The following MRAP2 variants were observed in gnomAD, a reference collection of about 807,000 sequenced individuals.
MRAP2 encodes the protein melanocortin 2 receptor accessory protein 2.
In MRAP2, 20 loss-of-function variants were observed where a neutral mutation model predicts 17.4. The observed-to-expected ratio is 1.15, with a 90% CI of 0.81 to 1.67. The LOEUF (loss-of-function observed/expected upper bound fraction) is 1.67. Ranked by LOEUF, MRAP2 falls within the 40% of genes most tolerant of loss-of-function variation. The pLI is 0.00. For missense variants in MRAP2, 238 were observed against 240.0 expected (o/e 0.99, Z 0.05); for synonymous variants, 96 against 88.4 (o/e 1.09, Z -0.48).
At chr6:84,080,314 G>C (rs901313479) in intron 3 of MRAP2, among the ~76,000 whole-genome samples, 39 of 151,808 alleles carry the variant, frequency 2.6e-4, no homozygotes, top group Non-Finnish European at 1.5e-5. Flanking sequence ...GGGATTACAG[G>C]TGTGAGCCAC....
At chr6:84,097,223 G>C in the MRAP2 span, among the ~76,000 whole-genome samples, 1 of 152,090 alleles carries the variant, frequency 6.6e-6, no homozygotes, top group Non-Finnish European at 1.5e-5. Flanking sequence ...TGTGTGTGGT[G>C]GGGTAGGGCA....
At chr6:84,060,173 T>A (rs1239661459) in intron 2 of MRAP2, among the ~76,000 whole-genome samples, 2 of 152,188 alleles carry the variant, frequency 1.3e-5, no homozygotes, top group African/African-American at 4.8e-5. Context: ...GCCGCATTAT[T>A]AAGGAAATGT....
At chr6:84,110,623 T>C in the MRAP2 span, among the ~76,000 whole-genome samples, 2 of 152,222 alleles carry the variant, frequency 1.3e-5, no homozygotes, top group African/African-American at 4.8e-5. Flanking sequence ...CATTTGTCAG[T>C]TTTGGCTTTT....
the MRAP2 span, among the ~76,000 whole-genome samples, chr6:84,137,798 C>A: frequency 6.6e-6 from 1 of 151,856 alleles, no homozygotes; most frequent in East Asian, 1.9e-4. Context: ...TATTAAAACT[C>A]TAGAATATTA....
the MRAP2 span, among the ~76,000 whole-genome samples, chr6:84,129,994 G>A: frequency 6.6e-6 from 1 of 152,168 alleles, no homozygotes; most frequent in Admixed American, 6.5e-5. Flanking sequence ...GATATTGGCT[G>A]TGGGTTTGTC....
At chr6:84,146,046 C>G in the MRAP2 span, among the ~76,000 whole-genome samples, 1 of 152,100 alleles carries the variant, frequency 6.6e-6, no homozygotes, top group African/African-American at 2.4e-5. Flanking sequence ...GACCTATTCT[C>G]AGCACTAAGA....
At chr6:84,123,212 T>A in the MRAP2 span, among the ~76,000 whole-genome samples, 1 of 142,318 alleles carries the variant, frequency 7.0e-6, no homozygotes. Flanking sequence ...TTCACAGAAC[T>A]GGGAAAAACA....
intron 3 of MRAP2, among the ~76,000 whole-genome samples, chr6:84,067,977 A>G (rs2099495187): frequency 6.6e-6 from 1 of 152,166 alleles, no homozygotes; most frequent in South Asian, 2.1e-4. Context: ...GCCAGCATCT[A>G]GAAGCGTTTT....
the MRAP2 span, among the ~76,000 whole-genome samples, chr6:84,100,590 T>C: frequency 2.0e-5 from 3 of 152,174 alleles, no homozygotes; most frequent in Admixed American, 2.0e-4. Flanking sequence ...AAATTCCCTG[T>C]CTTACACCCT....
the MRAP2 span, among the ~76,000 whole-genome samples, chr6:84,120,041 A>T: frequency 6.6e-6 from 1 of 152,218 alleles, no homozygotes; most frequent in Non-Finnish European, 1.5e-5. Context: ...GAGAAATGAA[A>T]GCCAGAGGTG....
the MRAP2 span, among the ~76,000 whole-genome samples, chr6:84,130,149 T>C: frequency 6.6e-6 from 1 of 152,154 alleles, no homozygotes; most frequent in Non-Finnish European, 1.5e-5. Flanking sequence ...TTTTATGTGA[T>C]GGATTATGTT....
downstream of MRAP2, among the ~76,000 whole-genome samples, chr6:84,094,595 T>A (rs2099502338): frequency 6.6e-6 from 1 of 152,224 alleles, no homozygotes; most frequent in Non-Finnish European, 1.5e-5. Context: ...CAGTTTCCAA[T>A]AACATGTTCC....
rs1490124287 is a variant in MRAP2 at position 84,087,497 on chromosome 6, CT to C, written c.228-1589del. On this transcript the variant is annotated intron_variant, in intron 3 of 3. Transcript: ENST00000257776. ...TTTCCTTTCACAGCTTTAAGCCACT[CT>C]TTTTCCTAGGTGACATTTTAGTTTA... Among the ~76,000 whole-genome samples the C allele has an allele frequency of 2.0e-5, 3 of 152,192 alleles. No homozygotes were observed. The East Asian group carries it at 5.8e-4, about 29-fold the overall frequency.
intron 1 of MRAP2, chr6:84,035,537 C>A (rs1352947567): frequency 2.1e-6 from 1 of 474,946 alleles, no homozygotes; most frequent in African/African-American, 2.1e-5. Context: ...ACATGAAAGC[C>A]AAGAGAAAGA....
chr6:84,062,985 C>T lies in MRAP2; in HGVS notation c.220C>T (p.His74Tyr). The T allele has an allele frequency of 6.2e-7, 1 of 1,614,172 alleles. No individual in the cohort carries two copies. The highest frequency in any genetic ancestry group is 8.5e-7 in the Non-Finnish European group (1 of 1,180,014). ...LTLLTKTGAPHQDNAESSEKR... is the reference protein window; with the variant it reads ...LTLLTKTGAPYQDNAESSEKR... ...CTTGCTGACCAAGACAGGAGCCCCA[C>T]ACCAAGAGTAAGTTTGGGCTGTTCC... The change falls in exon 3 of 4, where the codon CAC becomes TAC. Residue 74 changes from histidine to tyrosine, a missense_variant. Transcript: ENST00000257776.
chr6:84,066,004 A>AACACACACACAC (rs10684117), intron 3 of MRAP2, among the ~76,000 whole-genome samples: 29 of 142,520 alleles, frequency 2.0e-4, no homozygotes, highest in African/African-American at 6.8e-4. Context: ...TCTCTTTATA[A>AACACACACACAC]ACACACACAC....
chr6:84,054,493 T>A (rs2099491217), intron 1 of MRAP2, among the ~76,000 whole-genome samples: 1 of 152,234 alleles, frequency 6.6e-6, no homozygotes, highest in African/African-American at 2.4e-5. Flanking sequence ...TTCTGTTGAG[T>A]ATCTTCTGCA....
intron 2 of MRAP2, 127 bp downstream of exon 2, chr6:84,055,572 T>C: frequency 1.1e-6 from 1 of 930,746 alleles, no homozygotes; most frequent in East Asian, 2.7e-5. Flanking sequence ...ACCTCCCAAA[T>C]TCTACAAAAC....
At chr6:84,048,672 A>C (rs562421478) in intron 1 of MRAP2, among the ~76,000 whole-genome samples, 1 of 152,236 alleles carries the variant, frequency 6.6e-6, no homozygotes, top group African/African-American at 2.4e-5. Context: ...GTTGACACAC[A>C]TGTAGTGGGA....
Sources: gnomAD v4.1 joint callset for allele counts (sites outside exome capture counted in the v4.1 genomes callset) on GRCh38, gnomAD v4.1.1 for gene constraint, MANE v1.5 for transcripts, NCBI Gene and HGNC (gene_info 2026-07-23, HGNC 2026-07-21) for gene names.